The following TENM1 variants were observed in gnomAD, a reference collection of about 807,000 sequenced individuals.
TENM1 encodes teneurin-1.
TENM1 carries 35 observed loss-of-function variants against 174.8 expected under a neutral mutation model. The ratio of observed to expected loss-of-function variants is 0.20; its 90% CI spans 0.15 to 0.27. TENM1 has a LOEUF of 0.27. Ranked by LOEUF, TENM1 falls within the 10% of genes least tolerant of loss-of-function variation. The probability of loss-of-function intolerance (pLI) is 1.00; values close to 1 mark genes in which losing one functional copy is unlikely to be tolerated. For missense variants in TENM1, 1,633 were observed against 2,130.1 expected (o/e 0.77, Z 4.59); for synonymous variants, 781 against 798.7 (o/e 0.98, Z 0.37).
chrX:124,620,014 G>A (rs2050482897), intron 11 of TENM1, among the ~76,000 whole-genome samples: 1 of 112,038 alleles, frequency 8.9e-6, no homozygotes, highest in African/African-American at 3.2e-5. Flanking sequence ...ATGAAAAATT[G>A]CTGTTCAAAT....
At chrX:124,823,056 C>T (rs1313762250) in intron 3 of TENM1, among the ~76,000 whole-genome samples, 2 of 112,089 alleles carry the variant, frequency 1.8e-5, no homozygotes, top group East Asian at 2.8e-4. Flanking sequence ...CTTTTGTCCT[C>T]TTGCAAAGTC....
At chrX:124,849,423 T>TTCTCTCTCTCTCTC (rs764565999) in intron 3 of TENM1, among the ~76,000 whole-genome samples, 2 of 99,687 alleles carry the variant, frequency 2.0e-5, no homozygotes, top group South Asian at 8.0e-4. Flanking sequence ...CTTTCTTTTT[T>TTCTCTCTCTCTCTC]TCTCTCTCTC....
chrX:124,802,964 C>T (rs2055494758), intron 3 of TENM1, among the ~76,000 whole-genome samples: 1 of 111,626 alleles, frequency 9.0e-6, no homozygotes, highest in African/African-American at 3.3e-5. Flanking sequence ...TTGAATACCC[C>T]CAAGTAAAAT....
intron 13 of TENM1, among the ~76,000 whole-genome samples, chrX:124,562,715 G>A (rs1032627417): frequency 1.6e-4 from 18 of 112,679 alleles, no homozygotes; most frequent in Non-Finnish European, 3.2e-4. Context: ...CTTCACATGC[G>A]CCACATGCGC....
At chrX:124,488,143 A>G (rs2046990417) in intron 20 of TENM1, among the ~76,000 whole-genome samples, 2 of 111,748 alleles carry the variant, frequency 1.8e-5, no homozygotes, top group African/African-American at 3.3e-5. Flanking sequence ...GCATTTCATG[A>G]TGGGACCTGA....
intron 3 of TENM1, among the ~76,000 whole-genome samples, chrX:124,786,902 A>G (rs1569443784): frequency 9.0e-6 from 1 of 111,673 alleles, no homozygotes; most frequent in Admixed American, 9.5e-5. Flanking sequence ...TCATTCTTTA[A>G]TATGTAATAA....
At chrX:124,883,892 G>A (rs1307549049) in intron 3 of TENM1, among the ~76,000 whole-genome samples, 2 of 111,504 alleles carry the variant, frequency 1.8e-5, no homozygotes, top group East Asian at 5.7e-4. Flanking sequence ...GACACTGGTA[G>A]TGGTGGTGCT....
rs1569363785 is a variant in TENM1, at chrX:124,646,892, C to A, written c.1580-82G>T. On this transcript the variant is annotated intron_variant, in intron 8 of 31. Transcript: ENST00000422452. ...TTTATTTTTTTTTAAGTTGCAGGAACTCTGGACCTATGACAATTTTGCCCT... is the reference window on the plus strand; with the variant it reads ...TTTATTTTTTTTTAAGTTGCAGGAAATCTGGACCTATGACAATTTTGCCCT... 2.8e-5 allele frequency: 19 copies of A among 668,005 alleles called. No homozygotes were observed. The East Asian group carries it at 6.6e-4, about 23-fold the overall frequency. The allele number at this position is 668,005 out of a possible 1,213,427, so 55.1% of individuals were successfully genotyped here.
chrX:125,026,780 CAT>C, the TENM1 span, among the ~76,000 whole-genome samples: 228 of 111,726 alleles, frequency 2.0e-3, no homozygotes, highest in African/African-American at 6.4e-3. Flanking sequence ...AAAGCGAAAA[CAT>C]ATGTCATTTG....
the TENM1 span, among the ~76,000 whole-genome samples, chrX:125,178,664 G>A: frequency 5.0e-3 from 561 of 111,927 alleles, 4 homozygotes; most frequent in African/African-American, 0.017. Context: ...AAGTAACGTA[G>A]AGAAAGCTAG....
chrX:124,909,122 G>C (rs1472139115), intron 1 of TENM1, among the ~76,000 whole-genome samples: 1 of 112,373 alleles, frequency 8.9e-6, no homozygotes, highest in Non-Finnish European at 1.9e-5. Flanking sequence ...GCCTCCCAAA[G>C]TGCTGGGATT....
chrX:125,169,064 A>G, the TENM1 span, among the ~76,000 whole-genome samples: 1 of 110,623 alleles, frequency 9.0e-6, no homozygotes, highest in African/African-American at 3.3e-5. Flanking sequence ...AAGAAGCCAC[A>G]TCTTTTGCTT....
At chrX:124,985,998 G>A in the TENM1 span, among the ~76,000 whole-genome samples, 4 of 111,835 alleles carry the variant, frequency 3.6e-5, no homozygotes, top group African/African-American at 6.5e-5. Flanking sequence ...TAAAACGTAA[G>A]TTAGAAAGAA....
chrX:124,404,232 T>C (rs1334838224), intron 27 of TENM1, among the ~76,000 whole-genome samples: 3 of 111,790 alleles, frequency 2.7e-5, no homozygotes, highest in Non-Finnish European at 5.6e-5. Flanking sequence ...TAGTGAGTGA[T>C]TATTTCCCGC....
At chrX:124,667,174 G>A (rs1331833666) in intron 6 of TENM1, among the ~76,000 whole-genome samples, 5 of 111,594 alleles carry the variant, frequency 4.5e-5, no homozygotes, top group Admixed American at 2.9e-4. Context: ...GATAAATTAC[G>A]TGGGGGTAGT....
At chrX:125,142,701 T>C in the TENM1 span, among the ~76,000 whole-genome samples, 6 of 111,664 alleles carry the variant, frequency 5.4e-5, no homozygotes, top group Admixed American at 9.6e-5. Flanking sequence ...AGGCATCTCA[T>C]CCTGGTACAG....
At chrX:124,778,956 T>A (rs1273228809) in intron 3 of TENM1, among the ~76,000 whole-genome samples, 13 of 112,122 alleles carry the variant, frequency 1.2e-4, no homozygotes, top group Non-Finnish European at 1.9e-5. Flanking sequence ...AATATGGATA[T>A]CAGCAGGGTC....
At chrX:125,186,578 A>G in the TENM1 span, among the ~76,000 whole-genome samples, 1 of 97,113 alleles carries the variant, frequency 1.0e-5, no homozygotes, top group Non-Finnish European at 2.0e-5. Context: ...ATGCTGGTTG[A>G]AAAAAAAAAA....
rs111748506 is a variant in TENM1, at chrX:124,662,485, T to C, written c.1169-8702A>G. Among the ~76,000 whole-genome samples the C allele has an allele frequency of 7.2e-3, 780 of 108,196 alleles. 7 individuals carry two copies. Among genetic ancestry groups the C allele is most frequent in the African/African-American group, 0.026 (756 of 29,574 alleles). 94.0% of individuals were successfully genotyped at this position (108,196 alleles called of 115,157 possible). A position where few individuals can be genotyped will look rare whatever the true frequency, so the allele number is the denominator to read the frequency against. On this transcript the variant is annotated intron_variant, in intron 6 of 31. Transcript: ENST00000422452. ...AAAAAAAAAAAAAAAAAGTCTCTCT[T>C]CTTTTGAAAAATTTGTAAAAAAACT...
Sources: allele counts gnomAD v4.1 joint callset (sites outside exome capture counted in the v4.1 genomes callset), GRCh38; gene constraint gnomAD v4.1.1; transcripts MANE v1.5; gene names NCBI Gene and HGNC (gene_info 2026-07-23, HGNC 2026-07-21).